CNTROB: variants seen among roughly 807,000 people sequenced by gnomAD.
CNTROB encodes centrobin.
CNTROB carries 82 observed loss-of-function variants against 115.7 expected under a neutral mutation model. That is an observed-to-expected ratio of 0.71 (90% CI 0.59 to 0.85). CNTROB has a LOEUF of 0.85. Ranked by LOEUF, CNTROB falls within the 40% of genes least tolerant of loss-of-function variation. CNTROB has a pLI of 0.00. For missense variants in CNTROB, 1,014 were observed against 1,144.4 expected, an observed-to-expected ratio of 0.89 and a Z score of 1.64; for synonymous variants, 439 against 456.4, an observed-to-expected ratio of 0.96 and a Z score of 0.49.
chr17:7,938,536 A>G (rs2010327021), intron 7 of CNTROB, among the ~76,000 whole-genome samples: 1 of 152,186 alleles, frequency 6.6e-6, no homozygotes, highest in South Asian at 2.1e-4. Flanking sequence ...GGTGGTAACT[A>G]TTGTGTATTG....
In CNTROB at chr17:7,948,954, A is replaced by G; in HGVS notation, c.2514-131A>G. 1 of 1,567,472 alleles carries G rather than the reference A, an allele frequency of 6.4e-7. No homozygotes were observed. The highest frequency in any genetic ancestry group is 8.7e-7 in the Non-Finnish European group (1 of 1,155,336). ...TTTACTTCCACTAATGTCTCCTCCC[A>G]GTTGATGCCCAGGTCTATCGAGTTT... On this transcript the variant is annotated intron_variant, in intron 17 of 18. Transcript: ENST00000563694. This position sits in a 1 kb window ranked among gnomAD's most constrained non-coding sequence, Gnocchi z 4.4.
At chr17:7,937,035 C>T in intron 6 of CNTROB, 129 bp from the exon 7 acceptor site, 1 of 1,202,378 alleles carries the variant, frequency 8.3e-7, no homozygotes. Flanking sequence ...ACCATGTAGT[C>T]TTCTATCTGG....
In CNTROB at chr17:7,948,960, T is replaced by C; in HGVS notation, c.2514-125T>C. 1 of 1,575,306 alleles carries C rather than the reference T, an allele frequency of 6.3e-7. No homozygotes were observed. The highest frequency in any genetic ancestry group is 2.3e-5 in the East Asian group (1 of 44,272). On this transcript the variant is annotated intron_variant, in intron 17 of 18. Transcript: ENST00000563694. This position sits in a 1 kb window ranked among gnomAD's most constrained non-coding sequence, Gnocchi z 4.4. ...TCCACTAATGTCTCCTCCCAGTTGA[T>C]GCCCAGGTCTATCGAGTTTGATCTT... is the stretch of plus-strand genomic sequence containing the variant.
In CNTROB at chr17:7,944,261, A is replaced by C; in HGVS notation, c.1571+13A>C. On this transcript the variant is annotated intron_variant, in intron 11 of 18. Coordinates refer to ENST00000563694, the MANE Select transcript of CNTROB (RefSeq NM_053051.5). This position sits in a 1 kb window ranked among gnomAD's most constrained non-coding sequence, Gnocchi z 4.0. ...ACTACGAGCTCAGGTCCTGGTCCCCAGAGTGCCCCTTTCAGGCCCCAGCCC... is the reference window on the plus strand; with the variant it reads ...ACTACGAGCTCAGGTCCTGGTCCCCCGAGTGCCCCTTTCAGGCCCCAGCCC... The C allele has an allele frequency of 5.6e-6, 9 of 1,613,446 alleles. No homozygotes were observed. The highest frequency in any genetic ancestry group is 7.6e-6 in the Non-Finnish European group (9 of 1,179,334).
rs1039866179 is a variant in CNTROB, at chr17:7,943,605, T to C, written c.1445+81T>C. Reference sequence around the variant, plus strand: ...CCAGGCCTGTGTTCCCTTCAATCCCTTTGCCATGGTCCAGCACTGTGACTC... The same window carrying C: ...CCAGGCCTGTGTTCCCTTCAATCCCCTTGCCATGGTCCAGCACTGTGACTC... On this transcript the variant is annotated intron_variant, in intron 10 of 18. Coordinates refer to ENST00000563694, the MANE Select transcript of CNTROB (RefSeq NM_053051.5). The surrounding 1 kb of genome is among the most constrained non-coding windows in gnomAD (Gnocchi z 4.7). The C allele has an allele frequency of 2.3e-5, 33 of 1,458,024 alleles. No individual in the cohort carries two copies. In the African/African-American group the frequency reaches 3.5e-4, roughly 15 times the overall value. 90.3% of individuals were successfully genotyped at this position (1,458,024 alleles called of 1,614,324 possible).
intron 7 of CNTROB, among the ~76,000 whole-genome samples, chr17:7,938,252 G>T (rs559631034): frequency 5.3e-5 from 8 of 152,080 alleles, no homozygotes; most frequent in African/African-American, 1.2e-4. Flanking sequence ...TGATCTGCCC[G>T]CCTTGGCCTC....
At position 7,941,727 on chromosome 17, in the gene CNTROB, A is replaced by C. The variant is rs547460265; in HGVS notation, c.1311+1485A>C. 1.4e-4 allele frequency among the ~76,000 whole-genome samples: 22 copies of C among 152,076 alleles called. 1 individual carries two copies. The highest frequency in any genetic ancestry group is 5.1e-4 in the African/African-American group (21 of 41,476). On this transcript the variant is annotated intron_variant, in intron 9 of 18. Coordinates refer to ENST00000563694, the MANE Select transcript of CNTROB (RefSeq NM_053051.5). ...GGAATCCCAGCACTTTGGGAGGCCG[A>C]AACGGGCAGATTGCTTGAGCCCAGG...
At position 7,933,135 on chromosome 17, in the gene CNTROB, G is replaced by A. The variant is rs745688359; in HGVS notation, c.56G>A (p.Ser19Asn). ...SSPLGAEDLL[S>N]DSSEPPGLNQ... Reference sequence around the variant, plus strand: ...CCCCTCGGGGCGGAGGATCTCCTGAGTGATTCATCAGAACCCCCTGGGCTC... The same window carrying A: ...CCCCTCGGGGCGGAGGATCTCCTGAATGATTCATCAGAACCCCCTGGGCTC... Residue 19 changes from serine to asparagine, a missense_variant, in exon 1 of 19, where the codon AGT becomes AAT. Transcript: ENST00000563694. 1 of 1,614,218 alleles carries A rather than the reference G, an allele frequency of 6.2e-7. No individual in the cohort carries two copies. Among genetic ancestry groups the A allele is most frequent in the South Asian group, 1.1e-5 (1 of 91,086 alleles).
intron 4 of CNTROB, chr17:7,935,596 C>T (rs1187871890): frequency 5.9e-6 from 1 of 170,192 alleles, no homozygotes; most frequent in African/African-American, 2.4e-5. Context: ...TTGACCATTC[C>T]ATCTAATATG....
At chr17:7,933,525 A>G (rs192286278) in intron 1 of CNTROB, among the ~76,000 whole-genome samples, 176 bp downstream of exon 1, 4 of 152,372 alleles carry the variant, frequency 2.6e-5, no homozygotes, top group Admixed American at 2.0e-4. Flanking sequence ...CTGGGACACC[A>G]TAATTTGAAA....
intron 2 of CNTROB, 58 bp from the exon 3 acceptor site, chr17:7,934,406 TG>T: frequency 6.6e-7 from 1 of 1,508,546 alleles, no homozygotes; most frequent in African/African-American, 1.4e-5. Context: ...TCTCTTCAGG[TG>T]GCCCCTGTTT....
chr17:7,948,060 C>T lies in CNTROB; in HGVS notation c.2209+81C>T. On this transcript the variant is annotated intron_variant, in intron 15 of 18. Transcript: ENST00000563694. The surrounding 1 kb of genome is among the most constrained non-coding windows in gnomAD (Gnocchi z 4.4). ...GTTATCTAGGATGAATTTTTAGGAG[C>T]TGGCAAAAGTAATAAAGCCTTATAA... is the stretch of plus-strand genomic sequence containing the variant. The T allele has an allele frequency of 6.3e-7, 1 of 1,595,550 alleles. No individual in the cohort carries two copies. Among genetic ancestry groups the T allele is most frequent in the Admixed American group, 1.7e-5 (1 of 59,768 alleles).
intron 6 of CNTROB, 113 bp from the exon 7 acceptor site, chr17:7,937,051 T>A: frequency 7.5e-7 from 1 of 1,340,440 alleles, no homozygotes; most frequent in Non-Finnish European, 1.1e-6. Context: ...TCTGGCCCCT[T>A]AGTCATTTAG....
At chr17:7,933,448 T>A in intron 1 of CNTROB, 99 bp downstream of exon 1, 1 of 1,225,032 alleles carries the variant, frequency 8.2e-7, no homozygotes, top group Non-Finnish European at 1.1e-6. Flanking sequence ...AGATTTGAAC[T>A]CTTCCTGTTG....
intron 9 of CNTROB, among the ~76,000 whole-genome samples, chr17:7,941,118 T>C (rs1343268470): frequency 6.6e-6 from 1 of 152,192 alleles, no homozygotes; most frequent in African/African-American, 2.4e-5. Context: ...GGAAAGAGTA[T>C]TGCATTAGGA....
chr17:7,936,448 G>A lies in CNTROB; in HGVS notation c.677G>A (p.Arg226His), dbSNP rs1351896198. The A allele has an allele frequency of 9.1e-6, 14 of 1,530,876 alleles. No homozygotes were observed. The highest frequency in any genetic ancestry group is 2.2e-5 in the South Asian group (2 of 89,346). 94.8% of individuals were successfully genotyped at this position (1,530,876 alleles called of 1,614,324 possible). A position where few individuals can be genotyped will look rare whatever the true frequency, so the allele number is the denominator to read the frequency against. ...QQLAVAVAAD[R>H]KKDTMIEQLD... ...TTAGCCGTGGCTGTGGCTGCCGACC[G>A]CAAGAAAGATACCATGATTGAACAA... The change falls in exon 5 of 19, where the codon CGC (arginine) becomes CAC (histidine). Residue 226 changes from arginine (R) to histidine (H), a missense_variant. Physicochemically the swap from Arg to His is conservative, Grantham distance 29. Transcript: ENST00000563694.
intron 7 of CNTROB, among the ~76,000 whole-genome samples, chr17:7,938,203 C>T (rs1973432931): frequency 6.6e-6 from 1 of 152,068 alleles, no homozygotes; most frequent in Non-Finnish European, 1.5e-5. Flanking sequence ...CGGGGTTTCG[C>T]CATGTTGGCC....
rs947555007 is a variant in CNTROB at position 7,941,168 on chromosome 17, C to G, written c.1311+926C>G. Reference sequence around the variant, plus strand: ...GTCTACTTCTAGCTAGAATTTTGACCTTTATGGGCCTCTGTTTTTATGTAT... The same window carrying G: ...GTCTACTTCTAGCTAGAATTTTGACGTTTATGGGCCTCTGTTTTTATGTAT... On this transcript the variant is annotated intron_variant, in intron 9 of 18. Transcript: ENST00000563694. 2.0e-5 allele frequency among the ~76,000 whole-genome samples: 3 copies of G among 149,590 alleles called. No homozygotes were observed. In the Admixed American group the frequency reaches 2.0e-4, roughly 10 times the overall value.
At chr17:7,947,796 CA>C in intron 14 of CNTROB, 74 bp downstream of exon 14, 1 of 1,603,304 alleles carries the variant, frequency 6.2e-7, no homozygotes. Context: ...TCTGGGAATC[CA>C]GGACTCTGGC....
Sources: gnomAD v4.1 joint callset for allele counts (sites outside exome capture counted in the v4.1 genomes callset) on GRCh38, gnomAD v4.1.1 for gene constraint, Gnocchi (gnomAD v3.1) non-coding constraint, MANE v1.5 for transcripts, NCBI Gene and HGNC (gene_info 2026-07-23, HGNC 2026-07-21) for gene names.